The following ZFAT variants were observed in gnomAD, a reference collection of about 807,000 sequenced individuals.
ZFAT encodes the protein zinc finger protein ZFAT.
In ZFAT, 64 loss-of-function variants were observed where a neutral mutation model predicts 117.7. The ratio of observed to expected loss-of-function variants is 0.54; its 90% CI spans 0.44 to 0.67. The LOEUF (loss-of-function observed/expected upper bound fraction) is 0.67. Ranked by LOEUF, ZFAT falls within the 30% of genes least tolerant of loss-of-function variation. ZFAT has a pLI of 0.00. For missense variants in ZFAT, 1,433 were observed against 1,584.5 expected, an observed-to-expected ratio of 0.90 and a Z score of 1.62; for synonymous variants, 679 against 615.0, an observed-to-expected ratio of 1.10 and a Z score of -1.54.
chr8:134,757,879 T>C, the ZFAT span, among the ~76,000 whole-genome samples: 70 of 152,250 alleles, frequency 4.6e-4, no homozygotes, highest in Admixed American at 1.4e-3. Context: ...CTCTTGGCAA[T>C]TCAGATCGGC....
rs1831677532 is a variant in ZFAT at position 134,657,512 on chromosome 8, T to C, written c.196+49A>G. 2.0e-6 allele frequency: 3 copies of C among 1,524,236 alleles called. 1 individual carries two copies. In the South Asian group the frequency reaches 3.8e-5, roughly 19 times the overall value. 94.4% of individuals were successfully genotyped at this position (1,524,236 alleles called of 1,614,324 possible). On this transcript the variant is annotated intron_variant, in intron 2 of 15. Coordinates refer to ENST00000377838, the MANE Select transcript of ZFAT (RefSeq NM_020863.4). The stretch of plus-strand genomic sequence containing the variant: ...GCTATGCCCACGGAGCAAATCAACA[T>C]CAACAGGTGTGTCAGAAGGTATCCT...
At chr8:134,679,635 C>T (rs1166832311) in intron 1 of ZFAT, among the ~76,000 whole-genome samples, 1 of 152,200 alleles carries the variant, frequency 6.6e-6, no homozygotes, top group Non-Finnish European at 1.5e-5. Context: ...GACACATTCA[C>T]ACATATGTTT....
chr8:134,782,850 C>G, the ZFAT span, among the ~76,000 whole-genome samples: 1 of 152,014 alleles, frequency 6.6e-6, no homozygotes, highest in African/African-American at 2.4e-5. Context: ...GACTAATACA[C>G]CCTGCATCTC....
At chr8:134,725,251 G>A in the ZFAT span, among the ~76,000 whole-genome samples, 9 of 152,170 alleles carry the variant, frequency 5.9e-5, no homozygotes, top group East Asian at 1.9e-4. Flanking sequence ...AAGTTCAAGC[G>A]CCTGGCAAAG....
intron 11 of ZFAT, among the ~76,000 whole-genome samples, chr8:134,549,970 G>A (rs1823007301): frequency 6.6e-6 from 1 of 152,128 alleles, no homozygotes; most frequent in Non-Finnish European, 1.5e-5. Context: ...GGAGTGAGGG[G>A]GAAGCAGATT....
chr8:134,652,569 TTC>T (rs1161655740), intron 2 of ZFAT, among the ~76,000 whole-genome samples: 1 of 152,192 alleles, frequency 6.6e-6, no homozygotes, highest in African/African-American at 2.4e-5. Context: ...TGTTAATATT[TTC>T]TATACAAAGA....
At chr8:134,721,469 G>C in the ZFAT span, among the ~76,000 whole-genome samples, 1 of 152,198 alleles carries the variant, frequency 6.6e-6, no homozygotes, top group Non-Finnish European at 1.5e-5. Flanking sequence ...GGATGACAGG[G>C]AGTGGAGGCA....
chr8:134,649,197 ACACACC>A (rs1303594096), intron 2 of ZFAT, among the ~76,000 whole-genome samples: 114 of 150,860 alleles, frequency 7.6e-4, no homozygotes, highest in South Asian at 5.0e-3. Flanking sequence ...ACACACACAC[ACACACC>A]CCATCATACT....
At chr8:134,508,810 C>G (rs4909452) in intron 15 of ZFAT, among the ~76,000 whole-genome samples, 105,097 of 152,166 alleles carry the variant, frequency 0.69, 37,574 homozygotes, top group African/African-American at 0.87. Flanking sequence ...CAATACAGGA[C>G]TGGCTAAATG....
At chr8:134,808,696 A>C in the ZFAT span, among the ~76,000 whole-genome samples, 1 of 152,264 alleles carries the variant, frequency 6.6e-6, no homozygotes, top group East Asian at 1.9e-4. Flanking sequence ...CACTTTAATC[A>C]TCACCATGAC....
At chr8:134,623,252 C>G (rs943506248) in intron 3 of ZFAT, among the ~76,000 whole-genome samples, 1 of 152,216 alleles carries the variant, frequency 6.6e-6, no homozygotes, top group East Asian at 1.9e-4. Context: ...ACTCATCATC[C>G]TCAACCCATC....
upstream of ZFAT, among the ~76,000 whole-genome samples, chr8:134,714,029 C>G (rs1434781872): frequency 2.6e-5 from 1 of 39,180 alleles, no homozygotes; most frequent in Non-Finnish European, 5.4e-5. Flanking sequence ...TTACAGTAGT[C>G]ATATAAAGTT....
At chr8:134,753,072 G>A in the ZFAT span, among the ~76,000 whole-genome samples, 169 of 152,242 alleles carry the variant, frequency 1.1e-3, no homozygotes, top group African/African-American at 3.8e-3. Context: ...TATTCTCTGT[G>A]TAAAAAACTA....
chr8:134,646,667 GAA>G (rs769136559), intron 2 of ZFAT, among the ~76,000 whole-genome samples: 10 of 151,098 alleles, frequency 6.6e-5, no homozygotes, highest in Non-Finnish European at 1.2e-4. Flanking sequence ...GACTAACCGA[GAA>G]AAAAAGAGAG....
the ZFAT span, among the ~76,000 whole-genome samples, chr8:134,752,053 A>G: frequency 0.37 from 56,885 of 151,854 alleles, 10,691 homozygotes; most frequent in Admixed American, 0.44. Context: ...CCTCTACCAA[A>G]TGAGGGGGTT....
chr8:134,736,905 TG>T, the ZFAT span, among the ~76,000 whole-genome samples: 552 of 152,238 alleles, frequency 3.6e-3, 4 homozygotes, highest in African/African-American at 0.013. Context: ...CTTCTCTTAT[TG>T]GATTGTATAT....
At chr8:134,752,196 A>T in the ZFAT span, among the ~76,000 whole-genome samples, 1 of 151,842 alleles carries the variant, frequency 6.6e-6, no homozygotes, top group African/African-American at 2.4e-5. Flanking sequence ...TGCCTTGCCC[A>T]CCCCACACTG....
At chr8:134,756,629 C>A in the ZFAT span, among the ~76,000 whole-genome samples, 19 of 152,370 alleles carry the variant, frequency 1.2e-4, no homozygotes, top group African/African-American at 4.6e-4. Context: ...CACAGCTGCA[C>A]CCCTCTCTGG....
chr8:134,594,292 C>T (rs1826750885), intron 7 of ZFAT, among the ~76,000 whole-genome samples: 1 of 152,186 alleles, frequency 6.6e-6, no homozygotes, highest in African/African-American at 2.4e-5. Context: ...ACATTATGTG[C>T]AATCATTTTA....
Sources: allele counts gnomAD v4.1 joint callset (sites outside exome capture counted in the v4.1 genomes callset), GRCh38; gene constraint gnomAD v4.1.1; transcripts MANE v1.5; gene names NCBI Gene and HGNC (gene_info 2026-07-23, HGNC 2026-07-21).